KIF4A: variants seen among roughly 807,000 people sequenced by gnomAD.
KIF4A encodes kinesin family member 4A.
A neutral mutation model predicts 105.9 loss-of-function variants in KIF4A; 7 were observed. The observed-to-expected ratio is 0.07, with a 90% CI of 0.04 to 0.12. The LOEUF is 0.12. KIF4A is among the 10% of genes least tolerant of loss of function. The pLI is 1.00. For missense variants in KIF4A, 558 were observed against 929.2 expected (o/e 0.60, Z 5.19); for synonymous variants, 281 against 331.3 (o/e 0.85, Z 1.65).
chrX:70,391,589 A>T (rs886288467), intron 20 of KIF4A, among the ~76,000 whole-genome samples: 1 of 111,164 alleles, frequency 9.0e-6, no homozygotes, highest in Non-Finnish European at 1.9e-5. Context: ...CAAATATGGA[A>T]CCAACCTTGC....
chrX:70,331,865 C>G (rs1047810308), intron 9 of KIF4A, among the ~76,000 whole-genome samples: 1 of 112,212 alleles, frequency 8.9e-6, no homozygotes, highest in African/African-American at 3.2e-5. Flanking sequence ...AGAGTAGATT[C>G]ATGGAGACCA....
intron 10 of KIF4A, 126 bp from the exon 11 acceptor site, chrX:70,341,673 T>C (rs1602757201): frequency 1.5e-6 from 1 of 654,692 alleles, no homozygotes; most frequent in Non-Finnish European, 2.2e-6. Flanking sequence ...TCCCAGACTT[T>C]TGTGGTATAA....
At chrX:70,358,328 C>T (rs895532087) in intron 15 of KIF4A, among the ~76,000 whole-genome samples, 2 of 111,010 alleles carry the variant, frequency 1.8e-5, no homozygotes, top group African/African-American at 6.5e-5. Flanking sequence ...TCTACATTTT[C>T]TCTGTTTTCT....
chrX:70,406,449 C>G, intron 27 of KIF4A, 95 bp downstream of exon 27: 3 of 652,738 alleles, frequency 4.6e-6, no homozygotes, highest in Non-Finnish European at 7.2e-6. Context: ...AGTTAAAATT[C>G]CCAAATTCTA....
intron 15 of KIF4A, among the ~76,000 whole-genome samples, chrX:70,369,017 C>T (rs1414932758): frequency 1.8e-5 from 2 of 112,350 alleles, no homozygotes; most frequent in Non-Finnish European, 3.8e-5. Context: ...TAGCAATAAG[C>T]GAAGCTCCAT....
intron 10 of KIF4A, among the ~76,000 whole-genome samples, chrX:70,336,537 C>G (rs772307872): frequency 3.6e-5 from 4 of 111,381 alleles, no homozygotes; most frequent in African/African-American, 1.3e-4. Context: ...CATACTTTTT[C>G]AATTTTTGGC....
intron 15 of KIF4A, among the ~76,000 whole-genome samples, chrX:70,367,871 G>A (rs929939963): frequency 9.8e-5 from 11 of 111,817 alleles, no homozygotes; most frequent in Admixed American, 3.8e-4. Context: ...CATTCTCCCC[G>A]TCACTTTCAG....
chrX:70,413,573 T>G (rs930882066), intron 28 of KIF4A, among the ~76,000 whole-genome samples: 1 of 100,876 alleles, frequency 9.9e-6, no homozygotes, highest in African/African-American at 3.7e-5. Flanking sequence ...GAGGTTGCAG[T>G]GAGCTGAGAT....
intron 9 of KIF4A, among the ~76,000 whole-genome samples, chrX:70,331,137 G>A (rs1417705147): frequency 9.9e-6 from 1 of 101,115 alleles, no homozygotes; most frequent in African/African-American, 3.6e-5. Context: ...ATCCCTATCT[G>A]TACAGTAGAA....
intron 20 of KIF4A, among the ~76,000 whole-genome samples, chrX:70,390,659 T>C (rs2086234525): frequency 9.0e-6 from 1 of 111,672 alleles, no homozygotes; most frequent in African/African-American, 3.3e-5. Flanking sequence ...AAATAAACCC[T>C]TTTGTTGTAT....
Position 70,396,022 on chromosome X carries a change from A to T in KIF4A, c.2462A>T (p.Glu821Val), listed in dbSNP as rs1271556603. 1.7e-6 allele frequency: 2 copies of T among 1,203,176 alleles called. No individual in the cohort carries two copies. The highest frequency in any genetic ancestry group is 2.3e-6 in the Non-Finnish European group (2 of 888,279). ...ESEDSITKQIESLETEMEFRS... is the reference protein window; with the variant it reads ...ESEDSITKQIVSLETEMEFRS... ...GAAGATTCTATTACAAAGCAGATTG[A>T]AAGCCTAGAGACTGAAATGGAATTC... Residue 821 changes from glutamate (E) to valine (V), a missense_variant, in exon 22 of 31, where the codon GAA (glutamate) becomes GTA (valine). Transcript: ENST00000374403.
intron 7 of KIF4A, among the ~76,000 whole-genome samples, chrX:70,305,699 G>A (rs6653296): frequency 0.016 from 1,844 of 111,945 alleles, 37 homozygotes; most frequent in African/African-American, 0.056. Flanking sequence ...TTTCTCTTGA[G>A]TGTATACCTA....
In KIF4A at chrX:70,407,037, A is replaced by C. The variant is rs773185477; in HGVS notation, c.3217A>C (p.Thr1073Pro). The C allele has an allele frequency of 4.2e-6, 5 of 1,204,534 alleles. No homozygotes were observed. The highest frequency in any genetic ancestry group is 5.6e-6 in the Non-Finnish European group (5 of 891,449). The change falls in exon 28 of 31, where the codon ACA becomes CCA. Residue 1073 changes from threonine to proline, a missense_variant. Thr to Pro is a conservative substitution (Grantham distance 38). Around this residue, in one of 2 missense-constraint regions of KIF4A, gnomAD observed 469 missense variants for 680.4 expected, o/e 0.69. Transcript: ENST00000374403. ...DEGDDEEWKPTKLVKVSRKNI... is the reference protein window; with the variant it reads ...DEGDDEEWKPPKLVKVSRKNI... ...GGGGGATGACGAGGAATGGAAGCCA[A>C]CAAAATTAGTTAAGGTGTCCAGGAA...
chrX:70,403,836 T>C, intron 23 of KIF4A, 28 bp from the exon 24 acceptor site: 3 of 1,159,199 alleles, frequency 2.6e-6, no homozygotes, highest in Non-Finnish European at 3.5e-6. Context: ...ATTCTTCAAA[T>C]AAACTGATCT....
At chrX:70,345,437 C>G (rs1457303422) in intron 13 of KIF4A, among the ~76,000 whole-genome samples, 1 of 104,184 alleles carries the variant, frequency 9.6e-6, no homozygotes, top group Non-Finnish European at 1.9e-5. Context: ...GCACTCCAGC[C>G]TGGATGACAG....
chrX:70,347,701 C>T (rs1029968777), intron 13 of KIF4A, among the ~76,000 whole-genome samples: 2 of 108,883 alleles, frequency 1.8e-5, no homozygotes, highest in East Asian at 2.9e-4. Flanking sequence ...TAGGGCCGGG[C>T]GCGGTGGCTC....
intron 15 of KIF4A, among the ~76,000 whole-genome samples, chrX:70,369,531 G>T (rs1192129503): frequency 8.9e-6 from 1 of 111,740 alleles, no homozygotes; most frequent in Non-Finnish European, 1.9e-5. Context: ...ATGACAATTT[G>T]GCAGTATCTA....
intron 15 of KIF4A, among the ~76,000 whole-genome samples, chrX:70,367,271 G>A (rs1318957186): frequency 9.0e-6 from 1 of 110,954 alleles, no homozygotes; most frequent in Non-Finnish European, 1.9e-5. Context: ...ATATTGTTAT[G>A]TGTGAATTTG....
At chrX:70,374,396 G>A in intron 16 of KIF4A, 142 bp downstream of exon 16, 1 of 402,634 alleles carries the variant, frequency 2.5e-6, no homozygotes, top group East Asian at 4.2e-5. Context: ...CACAAAAAAT[G>A]GTTAAATAAT....
Sources: allele counts gnomAD v4.1 joint callset (sites outside exome capture counted in the v4.1 genomes callset), GRCh38; gene constraint gnomAD v4.1.1; regional missense constraint gnomAD v4.1.1; transcripts MANE v1.5; gene names NCBI Gene and HGNC (gene_info 2026-07-23, HGNC 2026-07-21).